The following PPARGC1A variants were observed in gnomAD, a reference collection of about 807,000 sequenced individuals.
PPARGC1A encodes peroxisome proliferator-activated receptor gamma coactivator 1-alpha.
In PPARGC1A, 25 loss-of-function variants were observed where a neutral mutation model predicts 88.7. The ratio of observed to expected loss-of-function variants is 0.28; its 90% CI spans 0.21 to 0.39. PPARGC1A has a LOEUF of 0.39. Among genes scored for constraint, PPARGC1A ranks in the 10% least tolerant of loss-of-function variants. The pLI, the probability that PPARGC1A is intolerant of heterozygous loss-of-function variation, is 1.00. For missense variants in PPARGC1A, 880 were observed against 968.7 expected (o/e 0.91, Z 1.22); for synonymous variants, 363 against 355.6 (o/e 1.02, Z -0.24).
chr4:24,444,393 T>C, the PPARGC1A span, among the ~76,000 whole-genome samples: 20 of 152,102 alleles, frequency 1.3e-4, no homozygotes, highest in African/African-American at 3.1e-4. Flanking sequence ...AAAAACTTTG[T>C]TTTTAAGTGG....
At chr4:24,339,641 C>T in the PPARGC1A span, among the ~76,000 whole-genome samples, 1 of 152,220 alleles carries the variant, frequency 6.6e-6, no homozygotes, top group Non-Finnish European at 1.5e-5. Flanking sequence ...TGTGTGCTTT[C>T]ATCACAGCCA....
At chr4:23,996,208 G>A in the PPARGC1A span, among the ~76,000 whole-genome samples, 1 of 152,130 alleles carries the variant, frequency 6.6e-6, no homozygotes, top group Non-Finnish European at 1.5e-5. Flanking sequence ...CTTTTCCTAT[G>A]TTTTGTCACC....
At chr4:24,168,155 T>G in the PPARGC1A span, among the ~76,000 whole-genome samples, 1 of 152,202 alleles carries the variant, frequency 6.6e-6, no homozygotes, top group Admixed American at 6.5e-5. Context: ...TTATATGCAC[T>G]AAAAAATCAA....
the PPARGC1A span, among the ~76,000 whole-genome samples, chr4:24,117,626 A>G: frequency 6.6e-6 from 1 of 151,514 alleles, no homozygotes; most frequent in Non-Finnish European, 1.5e-5. Flanking sequence ...TGACACTTAC[A>G]AAAAGAGCTC....
At chr4:23,984,629 T>G in the PPARGC1A span, among the ~76,000 whole-genome samples, 3 of 152,062 alleles carry the variant, frequency 2.0e-5, no homozygotes, top group Non-Finnish European at 1.5e-5. Context: ...TAAAGCCAGG[T>G]GTATAATCAT....
the PPARGC1A span, among the ~76,000 whole-genome samples, chr4:24,376,587 C>T: frequency 2.0e-5 from 3 of 152,312 alleles, no homozygotes; most frequent in African/African-American, 2.4e-5. Flanking sequence ...CCCTAACTAG[C>T]TCACTGATCT....
the PPARGC1A span, among the ~76,000 whole-genome samples, chr4:24,439,110 G>A: frequency 1.3e-5 from 2 of 152,078 alleles, no homozygotes; most frequent in East Asian, 1.9e-4. Context: ...CTGGGTAAAC[G>A]TTCTGCAGTT....
At chr4:24,149,471 G>C in the PPARGC1A span, among the ~76,000 whole-genome samples, 1 of 152,040 alleles carries the variant, frequency 6.6e-6, no homozygotes, top group African/African-American at 2.4e-5. Flanking sequence ...ATTAGGCTGA[G>C]GTTAAAGCAG....
the PPARGC1A span, among the ~76,000 whole-genome samples, chr4:24,071,208 C>T: frequency 3.3e-5 from 5 of 152,040 alleles, no homozygotes; most frequent in Admixed American, 6.6e-5. Flanking sequence ...AGACACACAC[C>T]CACATGCATG....
At chr4:24,421,366 A>G in the PPARGC1A span, among the ~76,000 whole-genome samples, 37 of 148,574 alleles carry the variant, frequency 2.5e-4, 1 homozygote, top group Admixed American at 2.5e-3. Context: ...GCTGGAGTGC[A>G]GTGGCGCGAT....
the PPARGC1A span, among the ~76,000 whole-genome samples, chr4:23,991,267 A>G: frequency 1.3e-5 from 2 of 152,118 alleles, no homozygotes; most frequent in African/African-American, 4.8e-5. Context: ...TGAAAGTTCT[A>G]TGAAATGAGG....
the PPARGC1A span, among the ~76,000 whole-genome samples, chr4:23,923,420 A>G: frequency 6.6e-6 from 1 of 152,170 alleles, no homozygotes; most frequent in Non-Finnish European, 1.5e-5. Context: ...CATTCATTCA[A>G]CAATTGAGTG....
the PPARGC1A span, among the ~76,000 whole-genome samples, chr4:24,395,693 G>A: frequency 6.6e-6 from 1 of 152,122 alleles, no homozygotes; most frequent in Non-Finnish European, 1.5e-5. Flanking sequence ...GCTGGGACAC[G>A]ATCTGAGCCT....
At chr4:24,130,041 T>C in the PPARGC1A span, among the ~76,000 whole-genome samples, 1 of 152,234 alleles carries the variant, frequency 6.6e-6, no homozygotes, top group Admixed American at 6.5e-5. Flanking sequence ...GAGATATACC[T>C]AATGTTAAAT....
At chr4:24,229,515 AC>A in the PPARGC1A span, among the ~76,000 whole-genome samples, 3 of 151,240 alleles carry the variant, frequency 2.0e-5, no homozygotes, top group African/African-American at 4.9e-5. Flanking sequence ...CCACTGGTAT[AC>A]CCCTCAAAAG....
At chr4:24,073,534 A>G in the PPARGC1A span, among the ~76,000 whole-genome samples, 5 of 152,158 alleles carry the variant, frequency 3.3e-5, no homozygotes, top group African/African-American at 1.2e-4. Flanking sequence ...AACCAACCTC[A>G]AGTGAAACAA....
the PPARGC1A span, among the ~76,000 whole-genome samples, chr4:24,022,708 G>T: frequency 6.6e-6 from 1 of 152,168 alleles, no homozygotes. Flanking sequence ...CCAGAGTCCC[G>T]GGCAATAAGG....
the PPARGC1A span, among the ~76,000 whole-genome samples, chr4:23,912,633 A>G: frequency 6.6e-6 from 1 of 152,132 alleles, no homozygotes; most frequent in South Asian, 2.1e-4. Context: ...TCCTTGAGAA[A>G]GAATTCCCTA....
chr4:24,159,012 A>G, the PPARGC1A span, among the ~76,000 whole-genome samples: 2 of 152,126 alleles, frequency 1.3e-5, no homozygotes, highest in South Asian at 2.1e-4. Context: ...TGGTATGTAC[A>G]ATAACGGTAC....
Sources: gnomAD v4.1 joint callset for allele counts (sites outside exome capture counted in the v4.1 genomes callset) on GRCh38, gnomAD v4.1.1 for gene constraint, MANE v1.5 for transcripts, NCBI Gene and HGNC (gene_info 2026-07-23, HGNC 2026-07-21) for gene names.